Variants in FILIP1 observed in about 807,000 individuals in gnomAD.
FILIP1 encodes filamin A interacting protein 1.
In FILIP1, 61 loss-of-function variants were observed where a neutral mutation model predicts 102.1. The observed-to-expected ratio is 0.60, with a 90% confidence interval of 0.49 to 0.74. FILIP1 has a LOEUF of 0.74. Ranked by LOEUF, FILIP1 falls within the 30% of genes least tolerant of loss-of-function variation. FILIP1 has a pLI of 0.00. For missense variants in FILIP1, 1,314 were observed against 1,441.2 expected (o/e 0.91, Z 1.43); for synonymous variants, 491 against 526.9 (o/e 0.93, Z 0.93).
chr6:75,343,014 A>G (rs952288649), intron 4 of FILIP1, among the ~76,000 whole-genome samples: 4 of 152,246 alleles, frequency 2.6e-5, no homozygotes, highest in East Asian at 1.9e-4. Context: ...CTAATCCCCA[A>G]TGTGACCTTA....
chr6:75,435,228 C>A (rs1205576523), intron 1 of FILIP1, among the ~76,000 whole-genome samples: 1 of 151,988 alleles, frequency 6.6e-6, no homozygotes, highest in Non-Finnish European at 1.5e-5. Context: ...TTTAATGTAG[C>A]CTTTTAAAAA....
At chr6:75,340,243 T>C (rs774906864) in intron 4 of FILIP1, among the ~76,000 whole-genome samples, 3 of 152,206 alleles carry the variant, frequency 2.0e-5, no homozygotes, top group Non-Finnish European at 4.4e-5. Context: ...TTTTATTACA[T>C]AGAATTTATC....
Position 75,418,133 on chromosome 6 carries a change from G to A in FILIP1, c.-6-3155C>T, listed in dbSNP as rs139274917. 3.5e-3 allele frequency among the ~76,000 whole-genome samples: 528 copies of A among 152,342 alleles called. 1 individual carries two copies. The highest frequency in any genetic ancestry group is 5.9e-3 in the Non-Finnish European group (400 of 68,032). On this transcript the variant is annotated intron_variant, in intron 1 of 5. Coordinates refer to ENST00000237172, the MANE Select transcript of FILIP1 (RefSeq NM_015687.5). The stretch of plus-strand genomic sequence containing the variant: ...GAATCACTTGAACCTGGGAGACAGA[G>A]GTTGTAGTGAGCCGAGATTGTGCCA...
At chr6:75,461,159 A>T (rs1779012609) in intron 1 of FILIP1, among the ~76,000 whole-genome samples, 1 of 152,220 alleles carries the variant, frequency 6.6e-6, no homozygotes, top group African/African-American at 2.4e-5. Context: ...ATAACAATAC[A>T]AGCAGCCCTA....
chr6:75,430,820 T>G (rs932907660), intron 1 of FILIP1, among the ~76,000 whole-genome samples: 1 of 152,176 alleles, frequency 6.6e-6, no homozygotes, highest in African/African-American at 2.4e-5. Flanking sequence ...GCTTTGAAGA[T>G]TGAGCATTTC....
downstream of FILIP1, among the ~76,000 whole-genome samples, chr6:75,307,472 C>T (rs1308311449): frequency 1.3e-5 from 2 of 152,104 alleles, no homozygotes; most frequent in African/African-American, 4.8e-5. Context: ...ACTCAGTTGG[C>T]TCAAAAATGT....
intron 1 of FILIP1, among the ~76,000 whole-genome samples, chr6:75,456,387 A>G (rs1305873513): frequency 6.6e-6 from 1 of 152,210 alleles, no homozygotes; most frequent in Non-Finnish European, 1.5e-5. Context: ...ATCTTTTGGC[A>G]TCTAGCATAT....
At chr6:75,295,967 G>A (rs1186612570) in intron 6 of FILIP1, 2 of 1,424,048 alleles carry the variant, frequency 1.4e-6, no homozygotes, top group Non-Finnish European at 1.8e-6. Flanking sequence ...AGAGAAAAAA[G>A]ACATGGCATT....
chr6:75,355,366 C>G (rs989148636), intron 3 of FILIP1, among the ~76,000 whole-genome samples: 2 of 151,854 alleles, frequency 1.3e-5, no homozygotes, highest in Admixed American at 1.3e-4. Flanking sequence ...GGTCTTTGTG[C>G]CTCTTTCTCT....
chr6:75,385,235 T>C (rs776481119), intron 2 of FILIP1, among the ~76,000 whole-genome samples: 36 of 152,188 alleles, frequency 2.4e-4, no homozygotes, highest in Non-Finnish European at 4.0e-4. Flanking sequence ...CTCTCCATTA[T>C]GCTAAATCAC....
chr6:75,435,817 C>A (rs193245867), intron 1 of FILIP1, among the ~76,000 whole-genome samples: 1 of 152,128 alleles, frequency 6.6e-6, no homozygotes, highest in African/African-American at 2.4e-5. Flanking sequence ...GGTGCACAGC[C>A]TCCAAGGTTT....
intron 4 of FILIP1, chr6:75,334,666 C>CTTTGTT (rs1191686418): frequency 2.0e-5 from 3 of 152,080 alleles, no homozygotes; most frequent in Admixed American, 6.6e-5. Flanking sequence ...AGCATAGTAG[C>CTTTGTT]TTTGTTTTTG....
At chr6:75,357,170 G>A (rs1775031845) in intron 3 of FILIP1, 1 of 152,144 alleles carries the variant, frequency 6.6e-6, no homozygotes, top group South Asian at 2.1e-4. Flanking sequence ...TACTCTGCCT[G>A]TCATACAATG....
intron 1 of FILIP1, among the ~76,000 whole-genome samples, chr6:75,449,956 C>G (rs984258642): frequency 1.3e-5 from 2 of 152,064 alleles, no homozygotes; most frequent in Admixed American, 6.5e-5. Context: ...TTTTTAGAGA[C>G]AGGGTCTCAC....
At chr6:75,341,692 G>C (rs2149589191) in intron 4 of FILIP1, among the ~76,000 whole-genome samples, 1 of 152,218 alleles carries the variant, frequency 6.6e-6, no homozygotes, top group South Asian at 2.1e-4. Context: ...TTGATTTCAT[G>C]TAATTTTGTA....
Position 75,403,491 on chromosome 6 carries a change from C to A in FILIP1, c.276+11206G>T, listed in dbSNP as rs560913631. Among the ~76,000 whole-genome samples the A allele has an allele frequency of 2.5e-3, 218 of 85,746 alleles. 1 individual carries two copies. Among genetic ancestry groups the A allele is most frequent in the African/African-American group, 9.4e-3 (191 of 20,294 alleles). The allele number at this position is 85,746 out of a possible 152,430, so 56.3% of individuals were successfully genotyped here. On this transcript the variant is annotated intron_variant, in intron 2 of 5. Transcript: ENST00000237172. ...GCATGTCACTGTGCTCCAGCCTGGGCAACAAAGCAAGACTCTGTCCCACAA... is the reference window on the plus strand; with the variant it reads ...GCATGTCACTGTGCTCCAGCCTGGGAAACAAAGCAAGACTCTGTCCCACAA...
In FILIP1 at chr6:75,296,341, T is replaced by TTGTGTGTGTG. The variant is rs57430339; in HGVS notation, c.3494-401_3494-392dup. ...CAATATTTACACCTCTTCAATTTCTTTGTGTGTGTGTGTGTGTGTGTGTGT... is the reference window on the plus strand; with the variant it reads ...CAATATTTACACCTCTTCAATTTCTTTGTGTGTGTGTGTGTGTGTGTGTGTGTGTGTGTGT... On this transcript the variant is annotated intron_variant, in intron 6 of 6. Coordinates refer to the FILIP1 transcript ENST00000393004. Among the ~76,000 whole-genome samples, 147 of 141,534 alleles carry TTGTGTGTGTG rather than the reference T, an allele frequency of 1.0e-3. 1 individual carries two copies. Among genetic ancestry groups the TTGTGTGTGTG allele is most frequent in the Non-Finnish European group, 1.4e-3 (93 of 65,218 alleles). The allele number at this position is 141,534 out of a possible 152,430, so 92.9% of individuals were successfully genotyped here.
At position 75,313,399 on chromosome 6, in the gene FILIP1, G is replaced by A. The variant is rs761316787; in HGVS notation, c.2433C>T (p.Ser811=). The A allele has an allele frequency of 6.6e-5, 107 of 1,614,022 alleles. No individual in the cohort carries two copies. The highest frequency in any genetic ancestry group is 8.8e-5 in the Non-Finnish European group (104 of 1,180,036). Residue 811 remains serine, a synonymous_variant, in exon 5 of 6, where the codon AGC becomes AGT. Transcript: ENST00000237172. This position sits in a 1 kb window ranked among gnomAD's most constrained non-coding sequence, Gnocchi z 4.2. ...GCGTTTCTTCCTCTGCTGCTTCACCGCTGACTGCATCAGTTTGGACTCCAG... is the reference window on the plus strand; with the variant it reads ...GCGTTTCTTCCTCTGCTGCTTCACCACTGACTGCATCAGTTTGGACTCCAG... ...TSTGVQTDAV[S]GEAAEEETPA...
intron 1 of FILIP1, chr6:75,465,571 T>TAAA: frequency 2.4e-6 from 1 of 413,558 alleles, no homozygotes; most frequent in Non-Finnish European, 4.4e-6. Flanking sequence ...TCACAGCAAT[T>TAAA]AAAAAAAAAA....
Sources: gnomAD v4.1 joint callset for allele counts (sites outside exome capture counted in the v4.1 genomes callset) on GRCh38, gnomAD v4.1.1 for gene constraint, Gnocchi (gnomAD v3.1) non-coding constraint, MANE v1.5 for transcripts, NCBI Gene and HGNC (gene_info 2026-07-23, HGNC 2026-07-21) for gene names.